FCHO2: variants seen among roughly 807,000 people sequenced by gnomAD.
The protein encoded by FCHO2 is F-BAR domain only protein 2.
A neutral mutation model predicts 114.1 loss-of-function variants in FCHO2; 43 were observed. The ratio of observed to expected loss-of-function variants is 0.38; its 90% CI spans 0.30 to 0.49. FCHO2 has a LOEUF of 0.49. Among genes scored for constraint, FCHO2 ranks in the 20% least tolerant of loss-of-function variants. FCHO2 has a pLI of 0.97. For missense variants in FCHO2, 807 were observed against 950.4 expected (o/e 0.85, Z 1.98); for synonymous variants, 293 against 315.2 (o/e 0.93, Z 0.75).
At chr5:72,994,389 A>G (rs1753968089) in intron 5 of FCHO2, among the ~76,000 whole-genome samples, 1 of 152,198 alleles carries the variant, frequency 6.6e-6, no homozygotes, top group East Asian at 1.9e-4. Context: ...AAAAAGCTCA[A>G]CATCACTGAT....
In FCHO2 at chr5:73,006,406, A is replaced by G. The variant is rs1227952793; in HGVS notation, c.496-39A>G. 9 of 1,263,746 alleles carry G rather than the reference A, an allele frequency of 7.1e-6. No homozygotes were observed. The East Asian group carries it at 2.0e-4, about 28-fold the overall frequency. 78.3% of individuals were successfully genotyped at this position (1,263,746 alleles called of 1,614,324 possible). A position where few individuals can be genotyped will look rare whatever the true frequency, so the allele number is the denominator to read the frequency against. On this transcript the variant is annotated intron_variant, in intron 5 of 25. Transcript: ENST00000430046. ...CTTACATTAGGAAAGAAAAAAGGTC[A>G]ATGCACAGTTAAAAGTTTTTTATTT...
At position 73,087,616 on chromosome 5, in the gene FCHO2, A is replaced by G. The variant is rs765905583; in HGVS notation, c.2273A>G (p.Asp758Gly). 2 of 1,613,748 alleles carry G rather than the reference A, an allele frequency of 1.2e-6. No homozygotes were observed. Among genetic ancestry groups the G allele is most frequent in the South Asian group, 1.1e-5 (1 of 91,070 alleles). Residue 758 changes from aspartate (D) to glycine (G), a missense_variant, in exon 25 of 26, where the codon GAT (aspartate) becomes GGT (glycine). Physicochemically the swap from Asp to Gly is moderately conservative, Grantham distance 94. Transcript: ENST00000430046. ...GGSGSLRAKFDLSEGPSKPTT... is the reference protein window; with the variant it reads ...GGSGSLRAKFGLSEGPSKPTT... Reference sequence around the variant, plus strand: ...TCTGGGTCCCTCCGAGCAAAATTTGATCTTTCAGAAGGACCTAGTAAACCC... The same window carrying G: ...TCTGGGTCCCTCCGAGCAAAATTTGGTCTTTCAGAAGGACCTAGTAAACCC...
chr5:73,056,933 T>G (rs1757623800), intron 16 of FCHO2, among the ~76,000 whole-genome samples: 1 of 152,092 alleles, frequency 6.6e-6, no homozygotes, highest in South Asian at 2.1e-4. Context: ...GTCTATCAGT[T>G]AAGAATACTC....
intron 18 of FCHO2, among the ~76,000 whole-genome samples, chr5:73,066,619 GGA>G (rs773721057): frequency 1.7e-4 from 20 of 117,064 alleles, no homozygotes; most frequent in Middle Eastern, 6.5e-3. Flanking sequence ...GCATTTTTCT[GGA>G]GAGAGCTCAT....
intron 5 of FCHO2, among the ~76,000 whole-genome samples, chr5:73,003,978 G>T (rs1754578907): frequency 6.7e-6 from 1 of 150,208 alleles, no homozygotes; most frequent in Non-Finnish European, 1.5e-5. Context: ...AATCCGGGAG[G>T]CGGAGGTTGC....
At chr5:73,027,636 A>G (rs1427273645) in intron 8 of FCHO2, among the ~76,000 whole-genome samples, 4 of 152,174 alleles carry the variant, frequency 2.6e-5, no homozygotes, top group Non-Finnish European at 5.9e-5. Flanking sequence ...TGAATATATT[A>G]GATCATAACA....
intron 11 of FCHO2, among the ~76,000 whole-genome samples, chr5:73,045,556 A>G (rs955761458): frequency 2.0e-5 from 3 of 152,232 alleles, no homozygotes; most frequent in Admixed American, 6.5e-5. Flanking sequence ...TAAAGTTACT[A>G]TGAACAATTG....
At chr5:72,959,146 G>A (rs954062848) in intron 1 of FCHO2, among the ~76,000 whole-genome samples, 1 of 152,214 alleles carries the variant, frequency 6.6e-6, no homozygotes, top group South Asian at 2.1e-4. Context: ...AATTGGGGCT[G>A]TGAGGAGGCT....
intron 17 of FCHO2, among the ~76,000 whole-genome samples, chr5:73,063,605 T>G (rs1757941476): frequency 6.6e-6 from 1 of 152,010 alleles, no homozygotes; most frequent in Non-Finnish European, 1.5e-5. Flanking sequence ...GGAATAAAAT[T>G]TATATGTGTC....
intron 8 of FCHO2, among the ~76,000 whole-genome samples, chr5:73,030,019 T>A (rs2112783366): frequency 6.6e-6 from 1 of 151,764 alleles, no homozygotes; most frequent in South Asian, 2.1e-4. Context: ...TGTACAGAAA[T>A]TGATTTCTTT....
intron 5 of FCHO2, 69 bp from the exon 6 acceptor site, chr5:73,006,376 A>AT (rs1206355478): frequency 1.1e-6 from 1 of 924,754 alleles, no homozygotes; most frequent in African/African-American, 1.7e-5. Context: ...TGTTATTCAT[A>AT]TTAACTTACA....
chr5:73,080,271 A>C (rs1743048090), intron 22 of FCHO2, among the ~76,000 whole-genome samples: 1 of 152,244 alleles, frequency 6.6e-6, no homozygotes, highest in Admixed American at 6.5e-5. Context: ...CAGATTTACA[A>C]AAATGAAAGT....
chr5:73,073,855 T>C (rs929270602), intron 19 of FCHO2, among the ~76,000 whole-genome samples: 6 of 152,118 alleles, frequency 3.9e-5, no homozygotes, highest in African/African-American at 1.2e-4. Flanking sequence ...AGATTATTTA[T>C]TTTTTTCACT....
chr5:73,011,341 T>A (rs955273236), intron 6 of FCHO2, among the ~76,000 whole-genome samples: 1 of 152,224 alleles, frequency 6.6e-6, no homozygotes, highest in Non-Finnish European at 1.5e-5. Context: ...CTTAAAAAAA[T>A]TTTAAACATT....
At chr5:72,989,533 T>C in intron 3 of FCHO2, 32 bp downstream of exon 3, 1 of 1,552,940 alleles carries the variant, frequency 6.4e-7, no homozygotes, top group Non-Finnish European at 8.8e-7. Context: ...TTTCAGTGTT[T>C]ATTTAGGCAA....
intron 2 of FCHO2, among the ~76,000 whole-genome samples, chr5:72,982,658 T>C (rs930235845): frequency 6.6e-6 from 1 of 152,170 alleles, no homozygotes; most frequent in African/African-American, 2.4e-5. Context: ...CTTTAGATAT[T>C]GGAATGCGTT....
chr5:73,086,798 C>G (rs1743327660), intron 24 of FCHO2, among the ~76,000 whole-genome samples: 1 of 152,156 alleles, frequency 6.6e-6, no homozygotes, highest in South Asian at 2.1e-4. Flanking sequence ...ACTCTAGTCT[C>G]ATCTGCCACT....
chr5:73,001,374 A>G (rs748166072), intron 5 of FCHO2, among the ~76,000 whole-genome samples: 3 of 149,010 alleles, frequency 2.0e-5, no homozygotes, highest in Non-Finnish European at 4.4e-5. Context: ...GCTTGAGGCC[A>G]GGAGGTTGAG....
chr5:73,085,931 T>TG (rs1743294745), intron 24 of FCHO2, among the ~76,000 whole-genome samples: 2 of 151,986 alleles, frequency 1.3e-5, no homozygotes, highest in South Asian at 4.1e-4. Context: ...AAGACCAGCC[T>TG]GGCCAATATG....
Sources: allele counts gnomAD v4.1 joint callset (sites outside exome capture counted in the v4.1 genomes callset), GRCh38; gene constraint gnomAD v4.1.1; transcripts MANE v1.5; gene names NCBI Gene and HGNC (gene_info 2026-07-23, HGNC 2026-07-21).